TMEM106A: variants seen among roughly 807,000 people sequenced by gnomAD.
The protein encoded by TMEM106A is transmembrane protein 106A.
In TMEM106A, 22 loss-of-function variants were observed where a neutral mutation model predicts 25.1. The observed-to-expected ratio is 0.88, with a 90% CI of 0.63 to 1.25. The LOEUF is 1.25. Among genes scored for constraint, TMEM106A ranks in the 50% most tolerant of loss-of-function variants. The probability of loss-of-function intolerance (pLI) is 0.00; values close to 1 mark genes in which losing one functional copy is unlikely to be tolerated. For synonymous variants in TMEM106A, 104 were observed against 129.9 expected (o/e 0.80, Z 1.35); for missense variants, 275 against 318.1 (o/e 0.86, Z 1.03).
rs941615161 is a variant in TMEM106A at position 43,218,415 on chromosome 17, C to T, written c.*614C>T. 1 of 152,464 alleles carries T rather than the reference C, an allele frequency of 6.6e-6. No individual in the cohort carries two copies. The highest frequency in any genetic ancestry group is 1.5e-5 in the Non-Finnish European group (1 of 68,284). 9.4% of individuals were successfully genotyped at this position (152,464 alleles called of 1,614,324 possible). A position where few individuals can be genotyped will look rare whatever the true frequency, so the allele number is the denominator to read the frequency against. ...GTGGCTTACACCTGTAATCCCAGTA[C>T]TTTGGGAGGCCGAAGTGGGTGGATC... On this transcript the variant is annotated 3_prime_UTR_variant, in exon 9 of 9. Coordinates refer to ENST00000612339, the MANE Select transcript of TMEM106A (RefSeq NM_145041.4).
At chr17:43,213,948 T>C in intron 4 of TMEM106A, 57 bp downstream of exon 4, 4 of 1,562,944 alleles carry the variant, frequency 2.6e-6, no homozygotes, top group Non-Finnish European at 3.5e-6. Context: ...GGCTGCTCCC[T>C]TTGTCTCCCC....
chr17:43,214,685 G>A (rs1385308291), intron 4 of TMEM106A, among the ~76,000 whole-genome samples: 3 of 152,156 alleles, frequency 2.0e-5, no homozygotes, highest in Admixed American at 6.5e-5. Flanking sequence ...CAGGCTGGGC[G>A]TGGTGGTTTA....
In TMEM106A at chr17:43,216,725, G is replaced by T. The variant is rs747865887; in HGVS notation, c.599G>T (p.Arg200Leu). Residue 200 changes from arginine to leucine, a missense_variant, in exon 7 of 9, where the codon CGG (arginine) becomes CTG (leucine). Physicochemically the swap from Arg to Leu is moderately radical, Grantham distance 102. Transcript: ENST00000612339. ...QMFYAVATKI[R>L]DENTYKICTW... ...TTTTACGCAGTAGCTACCAAGATAC[G>T]GGATGAAAACACATAGTGAGTACCC... is the stretch of plus-strand genomic sequence containing the variant. 6.2e-7 allele frequency: 1 copy of T among 1,614,174 alleles called. No homozygotes were observed. Among genetic ancestry groups the T allele is most frequent in the African/African-American group, 1.3e-5 (1 of 75,028 alleles).
At chr17:43,216,379 T>C in intron 5 of TMEM106A, 70 bp from the exon 6 acceptor site, 1 of 1,588,392 alleles carries the variant, frequency 6.3e-7, no homozygotes, top group Non-Finnish European at 8.6e-7. Flanking sequence ...CAGCCAGGCT[T>C]TTGCAACTGT....
rs959900776 is a variant in TMEM106A at position 43,212,337 on chromosome 17, A to C, written c.-79A>C. 1 of 152,318 alleles carries C rather than the reference A, an allele frequency of 6.6e-6. No individual in the cohort carries two copies. Among genetic ancestry groups the C allele is most frequent in the African/African-American group, 2.4e-5 (1 of 41,382 alleles). The allele number at this position is 152,318 out of a possible 1,614,324, so 9.4% of individuals were successfully genotyped here. ...TAGAGGCCCTTCTCCCCAAAGACGC[A>C]CTCCAGAAGTCTCGCCCTCGTGCGG... On this transcript the variant is annotated 5_prime_UTR_variant, in exon 2 of 9. Transcript: ENST00000612339.
At chr17:43,211,949 C>T (rs770424079) in intron 1 of TMEM106A, 27 bp downstream of exon 1, 1 of 152,206 alleles carries the variant, frequency 6.6e-6, no homozygotes, top group Non-Finnish European at 1.5e-5. Context: ...ACCCTTTATA[C>T]CTACTTTACC....
chr17:43,218,018 G>T lies in TMEM106A; in HGVS notation c.*217G>T. The T allele has an allele frequency of 1.6e-6, 1 of 634,078 alleles. No homozygotes were observed. The highest frequency in any genetic ancestry group is 2.6e-6 in the Non-Finnish European group (1 of 387,110). 39.3% of individuals were successfully genotyped at this position (634,078 alleles called of 1,614,324 possible). A position where few individuals can be genotyped will look rare whatever the true frequency, so the allele number is the denominator to read the frequency against. On this transcript the variant is annotated 3_prime_UTR_variant, in exon 9 of 9. Transcript: ENST00000612339. ...TCCAGTTTCCCCCAGATTCTTTCAG[G>T]GGCTGCCATCAGATTCTGCCCTTGG... is the stretch of plus-strand genomic sequence containing the variant.
At chr17:43,212,898 T>C in intron 2 of TMEM106A, 123 bp from the exon 3 acceptor site, 1 of 698,516 alleles carries the variant, frequency 1.4e-6, no homozygotes, top group Non-Finnish European at 2.4e-6. Flanking sequence ...CCTATCTTCC[T>C]TAGGCTTGAG....
chr17:43,213,256 A>T lies in TMEM106A; in HGVS notation c.211+4A>T. On this transcript the variant is annotated splice_donor_region_variant and intron_variant, in intron 3 of 8. Coordinates refer to ENST00000612339, the MANE Select transcript of TMEM106A (RefSeq NM_145041.4). ...GGCAGTGGCAAGATTCCCCAAGGTGAGTGGCCCAAGGCTCTGGAAATAGCC... is the reference window on the plus strand; with the variant it reads ...GGCAGTGGCAAGATTCCCCAAGGTGTGTGGCCCAAGGCTCTGGAAATAGCC... 1 of 1,614,038 alleles carries T rather than the reference A, an allele frequency of 6.2e-7. No homozygotes were observed. Among genetic ancestry groups the T allele is most frequent in the Non-Finnish European group, 8.5e-7 (1 of 1,179,978 alleles).
At position 43,213,028 on chromosome 17, in the gene TMEM106A, C is replaced by G; in HGVS notation, c.-14C>G. The G allele has an allele frequency of 6.2e-7, 1 of 1,613,928 alleles. No individual in the cohort carries two copies. Among genetic ancestry groups the G allele is most frequent in the Non-Finnish European group, 8.5e-7 (1 of 1,179,838 alleles). Reference sequence around the variant, plus strand: ...TTGGTCTTTTCTCATTAGTGAAACCCCCGCCCCTGAAGAATGGGTAAGACG... The same window carrying G: ...TTGGTCTTTTCTCATTAGTGAAACCGCCGCCCCTGAAGAATGGGTAAGACG... On this transcript the variant is annotated 5_prime_UTR_variant, in exon 3 of 9. Transcript: ENST00000612339.
chr17:43,212,644 C>G (rs1037109334), intron 2 of TMEM106A, among the ~76,000 whole-genome samples: 1 of 152,186 alleles, frequency 6.6e-6, no homozygotes, highest in African/African-American at 2.4e-5. Flanking sequence ...CTCCTTGATT[C>G]AAAGAATCTC....
chr17:43,213,753 C>T (rs2057458530), intron 3 of TMEM106A, 75 bp from the exon 4 acceptor site: 2 of 1,472,130 alleles, frequency 1.4e-6, no homozygotes, highest in Non-Finnish European at 1.9e-6. Context: ...TGGAGGCGTG[C>T]TTCTGGGAAG....
At position 43,218,053 on chromosome 17, in the gene TMEM106A, T is replaced by TG. The variant is rs200311161; in HGVS notation, c.*253dup. The TG allele has an allele frequency of 8.8e-4, 404 of 457,648 alleles. No individual in the cohort carries two copies. Among genetic ancestry groups the TG allele is most frequent in the South Asian group, 1.6e-3 (55 of 35,100 alleles). 28.3% of individuals were successfully genotyped at this position (457,648 alleles called of 1,614,324 possible). On this transcript the variant is annotated 3_prime_UTR_variant, in exon 9 of 9. Transcript: ENST00000612339. Reference sequence around the variant, plus strand: ...CAGATTCTGCCCTTGGTTAGTTTTTTGTTTTTTTTTTGGTAGAGACAGAGT... The same window carrying TG: ...CAGATTCTGCCCTTGGTTAGTTTTTTGGTTTTTTTTTTGGTAGAGACAGAGT...
At position 43,213,852 on chromosome 17, in the gene TMEM106A, T is replaced by C. The variant is rs1461567194; in HGVS notation, c.236T>C (p.Leu79Pro). ...PQELEKQLVALIPYGDQRLKP... is the reference protein window; with the variant it reads ...PQELEKQLVAPIPYGDQRLKP... ...GAGCTGGAGAAGCAGTTGGTGGCTC[T>C]CATTCCCTATGGGGACCAGAGGCTG... Residue 79 changes from leucine (L) to proline (P), a missense_variant, in exon 4 of 9, where the codon CTC becomes CCC. By Grantham distance (98) the Leu-to-Pro change is moderately conservative. Transcript: ENST00000612339. The C allele has an allele frequency of 1.2e-5, 20 of 1,614,080 alleles. No individual in the cohort carries two copies. The highest frequency in any genetic ancestry group is 2.7e-5 in the African/African-American group (2 of 74,924).
At chr17:43,216,024 T>A in intron 5 of TMEM106A, 83 bp downstream of exon 5, 1 of 1,545,936 alleles carries the variant, frequency 6.5e-7, no homozygotes, top group Non-Finnish European at 8.8e-7. Flanking sequence ...ACCCTGGGCA[T>A]GGGAAGCCAG....
rs958990593 is a variant in TMEM106A, at chr17:43,219,272, G to C, written c.*1471G>C. 6.6e-6 allele frequency: 1 copy of C among 152,262 alleles called. No individual in the cohort carries two copies. The highest frequency in any genetic ancestry group is 1.5e-5 in the Non-Finnish European group (1 of 68,134). The allele number at this position is 152,262 out of a possible 1,614,324, so 9.4% of individuals were successfully genotyped here. A position where few individuals can be genotyped will look rare whatever the true frequency, so the allele number is the denominator to read the frequency against. On this transcript the variant is annotated 3_prime_UTR_variant, in exon 9 of 9. Coordinates refer to ENST00000612339, the MANE Select transcript of TMEM106A (RefSeq NM_145041.4). ...TCCCAGAGGCCTCATCTCTCCTTGG[G>C]CTTTGACAATGTGGAGCAGCACATC...
In TMEM106A at chr17:43,217,667, T is replaced by A. The variant is rs757157475; in HGVS notation, c.669-14T>A. The A allele has an allele frequency of 6.2e-7, 1 of 1,614,014 alleles. No homozygotes were observed. The stretch of plus-strand genomic sequence containing the variant: ...TCCTCCCAGCCATGGCAACAAGGCC[T>A]GCTTCCTCTCCAGGGGCACCCTGAC... On this transcript the variant is annotated splice_polypyrimidine_tract_variant and intron_variant, in intron 8 of 8. Transcript: ENST00000612339.
intron 8 of TMEM106A, 113 bp downstream of exon 8, chr17:43,217,425 G>A: frequency 7.1e-7 from 1 of 1,403,758 alleles, no homozygotes. Flanking sequence ...ATCTTTGTTG[G>A]CTCTTGGGAA....
In TMEM106A at chr17:43,213,222, A is replaced by G. The variant is rs2154582561; in HGVS notation, c.181A>G (p.Thr61Ala). The change falls in exon 3 of 9, where the codon ACC becomes GCC. Residue 61 changes from threonine to alanine, a missense_variant. Physicochemically the swap from Thr to Ala is moderately conservative, Grantham distance 58. Transcript: ENST00000612339. ...TADASFVTCP[T>A]CQGSGKIPQE... Reference sequence around the variant, plus strand: ...TGATGCCAGCTTCGTGACTTGTCCCACCTGCCAGGGCAGTGGCAAGATTCC... The same window carrying G: ...TGATGCCAGCTTCGTGACTTGTCCCGCCTGCCAGGGCAGTGGCAAGATTCC... 3 of 1,614,146 alleles carry G rather than the reference A, an allele frequency of 1.9e-6. No homozygotes were observed. In the East Asian group the frequency reaches 6.7e-5, roughly 36 times the overall value.
Sources: allele counts gnomAD v4.1 joint callset (sites outside exome capture counted in the v4.1 genomes callset), GRCh38; gene constraint gnomAD v4.1.1; transcripts MANE v1.5; gene names NCBI Gene and HGNC (gene_info 2026-07-23, HGNC 2026-07-21).